The following WNT2B variants were observed in gnomAD, a reference collection of about 807,000 sequenced individuals.
WNT2B encodes Wnt family member 2B.
A neutral mutation model predicts 40.5 loss-of-function variants in WNT2B; 19 were observed. The ratio of observed to expected loss-of-function variants is 0.47; its 90% CI spans 0.33 to 0.69. The LOEUF (loss-of-function observed/expected upper bound fraction) is 0.69. Among genes scored for constraint, WNT2B ranks in the 30% least tolerant of loss-of-function variants. WNT2B has a pLI of 0.02. For synonymous variants in WNT2B, 220 were observed against 211.9 expected (o/e 1.04, Z -0.33); for missense variants, 467 against 556.4 (o/e 0.84, Z 1.62).
chr1:112,473,708 A>T (rs993822502), intron 1 of WNT2B, among the ~76,000 whole-genome samples: 1 of 152,118 alleles, frequency 6.6e-6, no homozygotes, highest in African/African-American at 2.4e-5. Context: ...ATTCACAGAT[A>T]CAAAAAAAGC....
At chr1:112,490,536 T>C (rs112377293) in intron 1 of WNT2B, among the ~76,000 whole-genome samples, 2,737 of 151,168 alleles carry the variant, frequency 0.018, 83 homozygotes, top group African/African-American at 0.06. Context: ...GTCTCCCAGG[T>C]TGGAGTGCAG....
chr1:112,519,714 A>G (rs1379993450), intron 4 of WNT2B, among the ~76,000 whole-genome samples: 1 of 151,958 alleles, frequency 6.6e-6, no homozygotes, highest in Non-Finnish European at 1.5e-5. Flanking sequence ...TAATCAGTTC[A>G]CCTCTTCAGA....
intron 1 of WNT2B, among the ~76,000 whole-genome samples, chr1:112,467,875 C>G (rs986875154): frequency 2.6e-5 from 4 of 152,180 alleles, no homozygotes; most frequent in Non-Finnish European, 5.9e-5. Flanking sequence ...TATAGTCACC[C>G]TATTCTGCTA....
intron 1 of WNT2B, among the ~76,000 whole-genome samples, chr1:112,500,612 AT>A (rs869100101): frequency 1.9e-4 from 28 of 146,774 alleles, no homozygotes; most frequent in Non-Finnish European, 3.5e-4. Flanking sequence ...ACTAAAAAAA[AT>A]TTTTTTTAAT....
chr1:112,509,223 A>T lies in WNT2B; in HGVS notation c.-40A>T. On this transcript the variant is annotated 5_prime_UTR_variant, in exon 1 of 5. Coordinates refer to ENST00000369684, the MANE Select transcript of WNT2B (RefSeq NM_024494.3). The surrounding 1 kb of genome is among the most constrained non-coding windows in gnomAD (Gnocchi z 4.2). ...AGTACCCCCAGAAGGTGCCCCGTCC[A>T]CGCCCCTCCGGGCTGCGCGGCGGGA... 1 of 1,475,786 alleles carries T rather than the reference A, an allele frequency of 6.8e-7. No individual in the cohort carries two copies. The highest frequency in any genetic ancestry group is 2.7e-5 in the East Asian group (1 of 36,370). The allele number at this position is 1,475,786 out of a possible 1,614,324, so 91.4% of individuals were successfully genotyped here.
intron 1 of WNT2B, among the ~76,000 whole-genome samples, chr1:112,479,573 T>A (rs530129435): frequency 3.3e-5 from 5 of 151,978 alleles, no homozygotes; most frequent in South Asian, 2.1e-4. Flanking sequence ...GACTCCATTT[T>A]AAAAAAAATT....
Position 112,514,948 on chromosome 1 carries a change from GCCAGCGTTA to G in WNT2B, c.260_268del (p.Gln87_Tyr89del). 1 of 1,614,232 alleles carries G rather than the reference GCCAGCGTTA, an allele frequency of 6.2e-7. No individual in the cohort carries two copies. The highest frequency in any genetic ancestry group is 1.1e-5 in the South Asian group (1 of 91,084). On this transcript the variant is annotated inframe_deletion, in exon 2 of 5. Transcript: ENST00000369684. ...TTGGTGAGCCGGCAGCGGCAGCTGT[GCCAGCGTTA>G]CCCAGACATCATGCGTTCAGTGGGC...
At position 112,527,447 on chromosome 1, in the gene WNT2B, G is replaced by A. The variant is rs78186546; in HGVS notation, c.*6938G>A. The A allele has an allele frequency of 1.3e-5, 2 of 152,792 alleles. No individual in the cohort carries two copies. Among genetic ancestry groups the A allele is most frequent in the African/African-American group, 2.4e-5 (1 of 41,550 alleles). 9.5% of individuals were successfully genotyped at this position (152,792 alleles called of 1,614,324 possible). ...AAGTCATCATCTAAAGAATTCCATT[G>A]CTCACCTCCTGCATAGCAGCACAGC... On this transcript the variant is annotated 3_prime_UTR_variant, in exon 5 of 5. Coordinates refer to ENST00000369684, the MANE Select transcript of WNT2B (RefSeq NM_024494.3).
chr1:112,486,418 G>A (rs1651419585), intron 1 of WNT2B, among the ~76,000 whole-genome samples: 1 of 152,028 alleles, frequency 6.6e-6, no homozygotes, highest in African/African-American at 2.4e-5. Flanking sequence ...ACTCCATCCT[G>A]GGCAACAGAG....
At chr1:112,493,479 A>C (rs1217854196) in intron 1 of WNT2B, among the ~76,000 whole-genome samples, 5 of 152,096 alleles carry the variant, frequency 3.3e-5, no homozygotes, top group Admixed American at 1.3e-4. Flanking sequence ...TGAATCAGCC[A>C]GGCATGGTGG....
chr1:112,490,575 C>T (rs1480930331), intron 1 of WNT2B, among the ~76,000 whole-genome samples: 1 of 151,770 alleles, frequency 6.6e-6, no homozygotes, highest in African/African-American at 2.4e-5. Flanking sequence ...CTGCAAGCTC[C>T]GCCTCCCGGG....
chr1:112,501,760 C>A (rs1286536335), intron 1 of WNT2B, among the ~76,000 whole-genome samples: 1 of 152,142 alleles, frequency 6.6e-6, no homozygotes, highest in African/African-American at 2.4e-5. Flanking sequence ...TGTTTGAGAA[C>A]CACCGCTCTA....
At chr1:112,480,245 T>C (rs1651183839) in intron 1 of WNT2B, among the ~76,000 whole-genome samples, 1 of 151,306 alleles carries the variant, frequency 6.6e-6, no homozygotes, top group Non-Finnish European at 1.5e-5. Context: ...CAGGCACTTA[T>C]AATGCCAGTT....
At chr1:112,504,462 C>T (rs1454426013), upstream of WNT2B, among the ~76,000 whole-genome samples, 3 of 152,082 alleles carry the variant, frequency 2.0e-5, no homozygotes, top group Non-Finnish European at 4.4e-5. Flanking sequence ...TTGGTCTGGC[C>T]TCTTTGAGAC....
intron 1 of WNT2B, among the ~76,000 whole-genome samples, chr1:112,474,528 C>T (rs1650998956): frequency 6.6e-6 from 1 of 152,194 alleles, no homozygotes; most frequent in East Asian, 1.9e-4. Context: ...TGAGATTTCT[C>T]ATTAGTAATG....
rs572654671 is a variant in WNT2B, at chr1:112,517,617, T to C, written c.946+232T>C. ...CTTGAGGCCTGAGGTCATGCATCGC[T>C]CCTTTGTATCCCAGCATCTGGGATA... On this transcript the variant is annotated intron_variant, in intron 4 of 4. Coordinates refer to ENST00000369684, the MANE Select transcript of WNT2B (RefSeq NM_024494.3). Among the ~76,000 whole-genome samples, 5 of 152,350 alleles carry C rather than the reference T, an allele frequency of 3.3e-5. No individual in the cohort carries two copies. The South Asian group carries it at 1.0e-3, about 32-fold the overall frequency.
intron 1 of WNT2B, chr1:112,467,596 G>A: frequency 1.3e-6 from 1 of 780,488 alleles, no homozygotes; most frequent in Non-Finnish European, 2.4e-6. Context: ...CTAAAAGTAA[G>A]TTGAATGAAG....
chr1:112,473,192 G>A (rs1650944560), intron 1 of WNT2B, among the ~76,000 whole-genome samples: 1 of 141,698 alleles, frequency 7.1e-6, no homozygotes, highest in Non-Finnish European at 1.5e-5. Flanking sequence ...AGGGACAGGA[G>A]AGAGGGAGGG....
upstream of WNT2B, among the ~76,000 whole-genome samples, chr1:112,508,489 T>C (rs1652200491): frequency 6.6e-6 from 1 of 151,980 alleles, no homozygotes; most frequent in African/African-American, 2.4e-5. The surrounding 1 kb of genome is among the most constrained non-coding windows in gnomAD (Gnocchi z 4.2). Flanking sequence ...TAGGCAGTGT[T>C]GAAAAGGTAG....
Sources: gnomAD v4.1 joint callset for allele counts (sites outside exome capture counted in the v4.1 genomes callset) on GRCh38, gnomAD v4.1.1 for gene constraint, Gnocchi (gnomAD v3.1) non-coding constraint, MANE v1.5 for transcripts, NCBI Gene and HGNC (gene_info 2026-07-23, HGNC 2026-07-21) for gene names.